Variants in SLC1A1 observed in about 807,000 individuals in gnomAD.
SLC1A1 encodes the protein solute carrier family 1 member 1.
A neutral mutation model predicts 53.3 loss-of-function variants in SLC1A1; 43 were observed. The ratio of observed to expected loss-of-function variants is 0.81; its 90% confidence interval spans 0.63 to 1.04. SLC1A1 has a LOEUF of 1.04. Among genes scored for constraint, SLC1A1 ranks in the 50% least tolerant of loss-of-function variants. SLC1A1 has a pLI of 0.00. For synonymous variants in SLC1A1, 307 were observed against 243.2 expected (o/e 1.26, Z -2.44); for missense variants, 748 against 664.9 (o/e 1.12, Z -1.37).
chr9:4,550,790 G>T (rs909439095), intron 2 of SLC1A1, among the ~76,000 whole-genome samples: 1 of 152,158 alleles, frequency 6.6e-6, no homozygotes, highest in Non-Finnish European at 1.5e-5. Flanking sequence ...TATGTGAGTT[G>T]GTTGCCTTTC....
chr9:4,583,237 C>T lies in SLC1A1; in HGVS notation c.1328+65C>T. The T allele has an allele frequency of 1.2e-6, 2 of 1,600,206 alleles. No individual in the cohort carries two copies. Among genetic ancestry groups the T allele is most frequent in the South Asian group, 2.2e-5 (2 of 90,776 alleles). ...GGCGGGCTTCCCAGCCTCGCAGGCG[C>T]TGCAGTCTGTCATCATTCTCTCCTC... On this transcript the variant is annotated intron_variant, in intron 11 of 11. Coordinates refer to ENST00000262352, the MANE Select transcript of SLC1A1 (RefSeq NM_004170.6). The surrounding 1 kb of genome is among the most constrained non-coding windows in gnomAD (Gnocchi z 4.6).
At chr9:4,555,003 G>C (rs937674543) in intron 2 of SLC1A1, among the ~76,000 whole-genome samples, 1 of 152,218 alleles carries the variant, frequency 6.6e-6, no homozygotes, top group Non-Finnish European at 1.5e-5. Flanking sequence ...CCTCACAACA[G>C]CTACGCAAGC....
intron 5 of SLC1A1, 138 bp from the exon 6 acceptor site, chr9:4,567,531 G>A: frequency 2.9e-6 from 2 of 684,078 alleles, no homozygotes; most frequent in South Asian, 1.6e-5. Flanking sequence ...TTGACAACTG[G>A]AGCCAACAGA....
At chr9:4,550,111 C>G (rs1477902352) in intron 2 of SLC1A1, among the ~76,000 whole-genome samples, 2 of 152,184 alleles carry the variant, frequency 1.3e-5, no homozygotes, top group Non-Finnish European at 2.9e-5. Context: ...ACTGATTCTG[C>G]TTCCTGGACA....
At chr9:4,568,939 GA>G (rs1433970448) in intron 6 of SLC1A1, among the ~76,000 whole-genome samples, 1 of 152,148 alleles carries the variant, frequency 6.6e-6, no homozygotes, top group African/African-American at 2.4e-5. Flanking sequence ...ATTGTTTGCT[GA>G]AAAGGATGTG....
chr9:4,544,401 C>T (rs909880818), intron 1 of SLC1A1, among the ~76,000 whole-genome samples, 166 bp from the exon 2 acceptor site: 4 of 152,092 alleles, frequency 2.6e-5, no homozygotes, highest in Non-Finnish European at 5.9e-5. Flanking sequence ...TGTTCACTGT[C>T]TTTTAAAATA....
chr9:4,502,832 T>C (rs76035092), intron 1 of SLC1A1, among the ~76,000 whole-genome samples: 3,549 of 151,852 alleles, frequency 0.023, 247 homozygotes, highest in African/African-American at 0.08. Context: ...TTCTCCTCCT[T>C]CTTGCTTCAT....
intron 3 of SLC1A1, among the ~76,000 whole-genome samples, chr9:4,563,512 A>G (rs1033052765): frequency 3.3e-5 from 5 of 152,196 alleles, no homozygotes; most frequent in African/African-American, 1.2e-4. Context: ...CATTAGCAAA[A>G]TGGACCCATT....
At chr9:4,494,228 G>T (rs761498719) in intron 1 of SLC1A1, among the ~76,000 whole-genome samples, 2 of 152,086 alleles carry the variant, frequency 1.3e-5, no homozygotes, top group African/African-American at 4.8e-5. Flanking sequence ...GTACTATCAA[G>T]CTCTATCATG....
chr9:4,569,926 G>A (rs747121686), intron 6 of SLC1A1, among the ~76,000 whole-genome samples: 1 of 152,212 alleles, frequency 6.6e-6, no homozygotes, highest in Non-Finnish European at 1.5e-5. Context: ...CACAAAGAAT[G>A]ATGAGTATTA....
chr9:4,499,183 T>C lies in SLC1A1; in HGVS notation c.91+8413T>C, dbSNP rs188842063. Among the ~76,000 whole-genome samples the C allele has an allele frequency of 2.7e-3, 406 of 151,710 alleles. 1 individual carries two copies. The highest frequency in any genetic ancestry group is 9.4e-3 in the African/African-American group (387 of 41,364). On this transcript the variant is annotated intron_variant, in intron 1 of 11. Coordinates refer to ENST00000262352, the MANE Select transcript of SLC1A1 (RefSeq NM_004170.6). Reference sequence around the variant, plus strand: ...CCTTAGCCTCCCGAGTAGCTGGGATTACAGGTGCCCACCACCACACCCAGC... The same window carrying C: ...CCTTAGCCTCCCGAGTAGCTGGGATCACAGGTGCCCACCACCACACCCAGC...
intron 1 of SLC1A1, among the ~76,000 whole-genome samples, chr9:4,535,048 G>T (rs1395956102): frequency 6.6e-6 from 1 of 152,058 alleles, no homozygotes; most frequent in African/African-American, 2.4e-5. Flanking sequence ...GGTATTGATG[G>T]GACGTATCTC....
At chr9:4,566,119 G>C (rs369509870) in intron 5 of SLC1A1, 30 bp downstream of exon 5, 47 of 1,576,122 alleles carry the variant, frequency 3.0e-5, no homozygotes, top group Non-Finnish European at 3.9e-5. Context: ...CCCTTAACTT[G>C]CTACCCTCTT....
In SLC1A1 at chr9:4,587,260, G is replaced by A. The variant is rs1288190226; in HGVS notation, c.*1702G>A. Reference sequence around the variant, plus strand: ...ATAGGAAATAAATCTAAATATAAATGAAATTGAATCAGTAATTTATCTTGG... The same window carrying A: ...ATAGGAAATAAATCTAAATATAAATAAAATTGAATCAGTAATTTATCTTGG... On this transcript the variant is annotated 3_prime_UTR_variant, in exon 12 of 12. Transcript: ENST00000262352. 2 of 152,178 alleles carry A rather than the reference G, an allele frequency of 1.3e-5. No homozygotes were observed. Among genetic ancestry groups the A allele is most frequent in the African/African-American group, 4.8e-5 (2 of 41,424 alleles). The allele number at this position is 152,178 out of a possible 1,614,324, so 9.4% of individuals were successfully genotyped here.
intron 1 of SLC1A1, among the ~76,000 whole-genome samples, chr9:4,523,111 T>C (rs533991378): frequency 2.6e-5 from 4 of 152,300 alleles, no homozygotes; most frequent in South Asian, 4.1e-4. Context: ...CACAGCTCAA[T>C]ACTTCCACCT....
chr9:4,562,384 T>C (rs1819039660), intron 3 of SLC1A1, among the ~76,000 whole-genome samples: 1 of 152,212 alleles, frequency 6.6e-6, no homozygotes, highest in Admixed American at 6.5e-5. Context: ...ACTTACATAA[T>C]TCTTAAAGTG....
chr9:4,569,500 T>C (rs1481753291), intron 6 of SLC1A1, among the ~76,000 whole-genome samples: 1 of 152,202 alleles, frequency 6.6e-6, no homozygotes, highest in Non-Finnish European at 1.5e-5. Context: ...GATTTCAGAA[T>C]TGGAGATCAG....
At chr9:4,515,614 A>ATC (rs71326114) in intron 1 of SLC1A1, among the ~76,000 whole-genome samples, 8,369 of 152,104 alleles carry the variant, frequency 0.055, 769 homozygotes, top group African/African-American at 0.19. Flanking sequence ...GAACATCAAC[A>ATC]ATGTCAAAGG....
intron 1 of SLC1A1, 50 bp downstream of exon 1, chr9:4,490,820 C>T (rs760047313): frequency 5.4e-6 from 8 of 1,484,622 alleles, no homozygotes; most frequent in Admixed American, 1.8e-5. Context: ...GCGCTCTCTG[C>T]GCCCAGGCCG....
Sources: allele counts gnomAD v4.1 joint callset (sites outside exome capture counted in the v4.1 genomes callset), GRCh38; gene constraint gnomAD v4.1.1; non-coding constraint Gnocchi (gnomAD v3.1); transcripts MANE v1.5; gene names NCBI Gene and HGNC (gene_info 2026-07-23, HGNC 2026-07-21).